The following TMEM26 variants were observed in gnomAD, a reference collection of about 807,000 sequenced individuals.
TMEM26 encodes transmembrane protein 26.
A neutral mutation model predicts 28.8 loss-of-function variants in TMEM26; 38 were observed. That is an observed-to-expected ratio of 1.32 (90% CI 1.02 to 1.73). The LOEUF (loss-of-function observed/expected upper bound fraction) is 1.73. Among genes scored for constraint, TMEM26 ranks in the 40% most tolerant of loss-of-function variants. The pLI, the probability that TMEM26 is intolerant of heterozygous loss-of-function variation, is 0.00. For missense variants in TMEM26, 518 were observed against 447.1 expected (o/e 1.16, Z -1.43); for synonymous variants, 227 against 182.9 (o/e 1.24, Z -1.95).
chr10:61,447,106 C>A (rs1488050097), intron 1 of TMEM26, among the ~76,000 whole-genome samples: 1 of 152,168 alleles, frequency 6.6e-6, no homozygotes, highest in Non-Finnish European at 1.5e-5. Context: ...AATTGTTTAT[C>A]TTCTGGGAGA....
intron 1 of TMEM26, among the ~76,000 whole-genome samples, chr10:61,442,552 A>G (rs1002215769): frequency 2.0e-5 from 3 of 152,168 alleles, no homozygotes; most frequent in Non-Finnish European, 4.4e-5. Flanking sequence ...TTTGTATTTC[A>G]TTTCTCAATA....
At chr10:61,448,103 G>C (rs921856604) in intron 1 of TMEM26, among the ~76,000 whole-genome samples, 1 of 152,250 alleles carries the variant, frequency 6.6e-6, no homozygotes, top group African/African-American at 2.4e-5. Flanking sequence ...AAAGAAGAGT[G>C]AAAAGACTCT....
chr10:61,411,275 T>C (rs1357250930), intron 5 of TMEM26, among the ~76,000 whole-genome samples: 6 of 152,204 alleles, frequency 3.9e-5, no homozygotes, highest in Non-Finnish European at 8.8e-5. Flanking sequence ...ATCATATCAG[T>C]GAGGAGAGGG....
chr10:61,429,038 T>A lies in TMEM26; in HGVS notation c.493A>T (p.Ile165Phe). 6.2e-7 allele frequency: 1 copy of A among 1,613,302 alleles called. No homozygotes were observed. Among genetic ancestry groups the A allele is most frequent in the Non-Finnish European group, 8.5e-7 (1 of 1,179,460 alleles). ...MLIIGRWLLP[I>F]GGGITRDQLS... ...TGATCTCGAGTGATCCCGCCTCCAA[T>A]GGGTAGAAGCCATCTTCCAATTATT... Residue 165 changes from isoleucine to phenylalanine, a missense_variant, in exon 4 of 6, where the codon ATT becomes TTT. Transcript: ENST00000399298.
chr10:61,416,703 C>A (rs564639696), intron 4 of TMEM26, among the ~76,000 whole-genome samples: 7 of 152,006 alleles, frequency 4.6e-5, no homozygotes, highest in African/African-American at 1.4e-4. Context: ...AAATAACTTA[C>A]TAAATTAAAG....
chr10:61,436,045 C>T lies in TMEM26; in HGVS notation c.270+125G>A, dbSNP rs1459757351. 5.1e-5 allele frequency: 24 copies of T among 471,180 alleles called. No homozygotes were observed. The East Asian group carries it at 7.7e-4, about 15-fold the overall frequency. 29.2% of individuals were successfully genotyped at this position (471,180 alleles called of 1,614,324 possible). ...ATTCACTTCCTTTTGCTGATAGCCT[C>T]TTATTTATTCAATTCTTGCTAACTC... is the stretch of plus-strand genomic sequence containing the variant. On this transcript the variant is annotated intron_variant, in intron 2 of 5. Transcript: ENST00000399298.
At chr10:61,414,974 C>G in intron 4 of TMEM26, 1 of 985,092 alleles carries the variant, frequency 1.0e-6, no homozygotes, top group Non-Finnish European at 1.2e-6. Flanking sequence ...TGGCTCCCCA[C>G]AGGGGGACTC....
In TMEM26 at chr10:61,412,944, C is replaced by T. The variant is rs894657063; in HGVS notation, c.682+515G>A. 1.0e-5 allele frequency: 13 copies of T among 1,293,038 alleles called. No homozygotes were observed. In the Admixed American group the frequency reaches 2.9e-4, roughly 29 times the overall value. The allele number at this position is 1,293,038 out of a possible 1,614,324, so 80.1% of individuals were successfully genotyped here. ...AAGACCAGTAGGATTCCAAGGACCT[C>T]CAATGAGGACAATTTTAACTGCTCC... is the stretch of plus-strand genomic sequence containing the variant. On this transcript the variant is annotated intron_variant, in intron 5 of 5. Transcript: ENST00000399298.
chr10:61,426,620 T>C (rs1020864560), intron 4 of TMEM26, among the ~76,000 whole-genome samples: 2 of 152,096 alleles, frequency 1.3e-5, no homozygotes, highest in Non-Finnish European at 2.9e-5. Flanking sequence ...ATTGTAGGCT[T>C]TCTCCTAAAT....
chr10:61,452,550 G>T, intron 1 of TMEM26: 1 of 261,788 alleles, frequency 3.8e-6, no homozygotes, highest in Non-Finnish European at 7.6e-6. Flanking sequence ...ACACTACATG[G>T]CAACCTCCTT....
chr10:61,419,094 A>T (rs916077178), intron 4 of TMEM26, among the ~76,000 whole-genome samples: 1 of 152,150 alleles, frequency 6.6e-6, no homozygotes, highest in Non-Finnish European at 1.5e-5. Flanking sequence ...AATCTGAGAC[A>T]TCAGTGACTA....
chr10:61,416,458 CAAT>C (rs1020629459), intron 4 of TMEM26, among the ~76,000 whole-genome samples: 1 of 151,868 alleles, frequency 6.6e-6, no homozygotes, highest in Non-Finnish European at 1.5e-5. Flanking sequence ...ATGAGGAAGA[CAAT>C]AATAATAATT....
intron 5 of TMEM26, among the ~76,000 whole-genome samples, chr10:61,412,537 T>C (rs532303530): frequency 6.6e-6 from 1 of 152,252 alleles, no homozygotes; most frequent in Non-Finnish European, 1.5e-5. Flanking sequence ...GAAAACATAA[T>C]TATTAATTTC....
intron 4 of TMEM26, among the ~76,000 whole-genome samples, chr10:61,427,252 G>T (rs1839847476): frequency 6.6e-6 from 1 of 152,082 alleles, no homozygotes; most frequent in African/African-American, 2.4e-5. Context: ...GGTGATAGAA[G>T]AAATTGGGAG....
intron 1 of TMEM26, among the ~76,000 whole-genome samples, chr10:61,438,511 G>A (rs1216389655): frequency 2.0e-5 from 3 of 152,100 alleles, no homozygotes; most frequent in South Asian, 2.1e-4. Context: ...TAACAATAAT[G>A]TAACAATAAT....
intron 4 of TMEM26, among the ~76,000 whole-genome samples, chr10:61,420,680 A>G (rs968373539): frequency 1.3e-5 from 2 of 151,834 alleles, no homozygotes; most frequent in Non-Finnish European, 2.9e-5. Flanking sequence ...ATATAGCAAA[A>G]TTATCCTTTA....
At chr10:61,452,809 T>C in intron 1 of TMEM26, 82 bp downstream of exon 1, 4 of 1,484,094 alleles carry the variant, frequency 2.7e-6, no homozygotes, top group African/African-American at 1.4e-5. Flanking sequence ...AATCTGCGGG[T>C]TGCGGGAAGA....
At chr10:61,414,489 C>T (rs1365643712) in intron 4 of TMEM26, 3 of 151,918 alleles carry the variant, frequency 2.0e-5, no homozygotes, top group Non-Finnish European at 2.9e-5. Context: ...AGTGTAGAGG[C>T]ATTAAATACA....
At position 61,428,933 on chromosome 10, in the gene TMEM26, T is replaced by A. The variant is rs1839874737; in HGVS notation, c.598A>T (p.Asn200Tyr). 1 of 1,612,904 alleles carries A rather than the reference T, an allele frequency of 6.2e-7. No homozygotes were observed. Among genetic ancestry groups the A allele is most frequent in the South Asian group, 1.1e-5 (1 of 91,058 alleles). The change falls in exon 4 of 6, where the codon AAT becomes TAT. Residue 200 changes from asparagine (N) to tyrosine (Y), a missense_variant. Physicochemically the swap from Asn to Tyr is moderately radical, Grantham distance 143. Transcript: ENST00000399298. ...GCTGCAAGGAATGCTCACCTCACAT[T>A]TTGTTCTTCTAGGGTCTCACTTGTG... ...EFTSETLEEQ[N>Y]VRNSPALVYA... is the part of the protein sequence containing the mutation.
Sources: gnomAD v4.1 joint callset for allele counts (sites outside exome capture counted in the v4.1 genomes callset) on GRCh38, gnomAD v4.1.1 for gene constraint, MANE v1.5 for transcripts, NCBI Gene and HGNC (gene_info 2026-07-23, HGNC 2026-07-21) for gene names.